CUX1: variants seen among roughly 807,000 people sequenced by gnomAD.
CUX1 encodes cut like homeobox 1.
CUX1 carries 31 observed loss-of-function variants against 158.8 expected under a neutral mutation model. The ratio of observed to expected loss-of-function variants is 0.20; its 90% CI spans 0.15 to 0.26. The LOEUF (loss-of-function observed/expected upper bound fraction) is 0.26, where lower values mean the gene tolerates loss of function less well. Ranked by LOEUF, CUX1 falls within the 10% of genes least tolerant of loss-of-function variation. The probability of loss-of-function intolerance (pLI) is 1.00; values close to 1 mark genes in which losing one functional copy is unlikely to be tolerated. For synonymous variants in CUX1, 879 were observed against 862.1 expected (o/e 1.02, Z -0.34); for missense variants, 1,589 against 2,014.6 (o/e 0.79, Z 4.04).
intron 3 of CUX1, among the ~76,000 whole-genome samples, chr7:102,053,166 TG>T (rs1823733591): frequency 6.6e-6 from 1 of 152,208 alleles, no homozygotes; most frequent in South Asian, 2.1e-4. Context: ...TATCTCATTG[TG>T]GTTTTGATTT....
At chr7:101,878,609 A>G (rs1420993560) in intron 1 of CUX1, among the ~76,000 whole-genome samples, 2 of 151,976 alleles carry the variant, frequency 1.3e-5, no homozygotes, top group African/African-American at 4.8e-5. Context: ...TTTCAATACA[A>G]TGTGATTGTA....
chr7:102,192,681 G>T (rs897050659), intron 12 of CUX1, among the ~76,000 whole-genome samples: 1 of 152,136 alleles, frequency 6.6e-6, no homozygotes, highest in Non-Finnish European at 1.5e-5. Context: ...ACACTAGGGG[G>T]ACAGAGGCCG....
chr7:102,115,584 C>G, intron 8 of CUX1: 1 of 269,292 alleles, frequency 3.7e-6, no homozygotes, highest in Non-Finnish European at 6.9e-6. Flanking sequence ...GGGTAAATCA[C>G]ATGTCTTTTT....
rs142338159 is a variant in CUX1, at chr7:102,024,499, A to G, written c.142-3599A>G. ...GCACCACCACGCCCAGCTTATTTTT[A>G]TATTTTGAGTAGAGATGGGGTTTCG... On this transcript the variant is annotated intron_variant, in intron 2 of 23. Transcript: ENST00000292535. Among the ~76,000 whole-genome samples, 664 of 151,968 alleles carry G rather than the reference A, an allele frequency of 4.4e-3. 6 individuals carry two copies. Among genetic ancestry groups the G allele is most frequent in the African/African-American group, 0.015 (620 of 41,446 alleles).
At chr7:101,932,719 G>A (rs200398080) in intron 2 of CUX1, 10 of 403,004 alleles carry the variant, frequency 2.5e-5, no homozygotes, top group African/African-American at 1.2e-4. Context: ...TATTTCATAC[G>A]TATTTAAATG....
chr7:102,001,511 T>C (rs1311118708), intron 2 of CUX1, among the ~76,000 whole-genome samples: 1 of 152,026 alleles, frequency 6.6e-6, no homozygotes, highest in Non-Finnish European at 1.5e-5. Flanking sequence ...ACCAAGCTAA[T>C]TTTTGTATAT....
At chr7:101,906,644 G>GC in intron 1 of CUX1, among the ~76,000 whole-genome samples, 1 of 152,198 alleles carries the variant, frequency 6.6e-6, no homozygotes, top group African/African-American at 2.4e-5. Flanking sequence ...ATCTTTCTAG[G>GC]CCCCCACTGC....
At chr7:101,844,151 C>T (rs999422814) in intron 1 of CUX1, among the ~76,000 whole-genome samples, 1 of 152,080 alleles carries the variant, frequency 6.6e-6, no homozygotes, top group African/African-American at 2.4e-5. Context: ...TGGGTGGGCA[C>T]TGTTGCTATT....
At chr7:101,976,327 G>A (rs531874487) in intron 2 of CUX1, among the ~76,000 whole-genome samples, 2 of 152,144 alleles carry the variant, frequency 1.3e-5, no homozygotes, top group Admixed American at 1.3e-4. Context: ...GTAGTGTAAG[G>A]GATCTGTTTT....
rs5886208 is a variant in CUX1, at chr7:101,943,964, TAA to T, written c.141+27757_141+27758del. On this transcript the variant is annotated intron_variant, in intron 2 of 23. Coordinates refer to ENST00000292535, the MANE Select transcript of CUX1 (RefSeq NM_181552.4). ...CGAGACCGCGTCTCTATTTAAAAAT[TAA>T]AAAAAAAAAAAAAAAAAGACAACTT... is the stretch of plus-strand genomic sequence containing the variant. Among the ~76,000 whole-genome samples, 783 of 138,196 alleles carry T rather than the reference TAA, an allele frequency of 5.7e-3. 6 individuals are homozygous for T. The highest frequency in any genetic ancestry group is 0.018 in the Middle Eastern group (5 of 274). 90.7% of individuals were successfully genotyped at this position (138,196 alleles called of 152,430 possible).
At chr7:102,188,889 C>A (rs2067700427) in intron 11 of CUX1, 1 of 151,626 alleles carries the variant, frequency 6.6e-6, no homozygotes, top group African/African-American at 2.4e-5. Flanking sequence ...AGTGAGCTCA[C>A]AGACCTTTCT....
chr7:102,166,225 C>G (rs1791017199), intron 9 of CUX1, among the ~76,000 whole-genome samples: 1 of 152,200 alleles, frequency 6.6e-6, no homozygotes, highest in South Asian at 2.1e-4. Context: ...CACTGATATG[C>G]AAGCAGTATC....
At chr7:102,116,183 C>T (rs888730809) in intron 8 of CUX1, among the ~76,000 whole-genome samples, 1 of 152,124 alleles carries the variant, frequency 6.6e-6, no homozygotes, top group Admixed American at 6.6e-5. Context: ...ACTTACTGTC[C>T]CTCTGCCCCA....
In CUX1 at chr7:101,916,399, G is replaced by A; in HGVS notation, c.141+174G>A. The stretch of plus-strand genomic sequence containing the variant: ...TTTCCAGCAGAACGCATGCCATCCT[G>A]CAGGCTGTGGGGATGTGGAAATTGA... On this transcript the variant is annotated intron_variant, in intron 2 of 23. Transcript: ENST00000292535. The surrounding 1 kb of genome is among the most constrained non-coding windows in gnomAD (Gnocchi z 4.4). The A allele has an allele frequency of 3.8e-6, 2 of 528,438 alleles. No individual in the cohort carries two copies. The highest frequency in any genetic ancestry group is 7.0e-6 in the Non-Finnish European group (2 of 285,260). 32.7% of individuals were successfully genotyped at this position (528,438 alleles called of 1,614,324 possible). A position where few individuals can be genotyped will look rare whatever the true frequency, so the allele number is the denominator to read the frequency against.
At chr7:101,861,334 A>G (rs948142988) in intron 1 of CUX1, among the ~76,000 whole-genome samples, 7 of 152,332 alleles carry the variant, frequency 4.6e-5, no homozygotes, top group Non-Finnish European at 1.0e-4. Flanking sequence ...TTGATTCTCT[A>G]AAGAACAGAG....
At chr7:102,151,502 T>TGAGA (rs1475490980) in intron 8 of CUX1, among the ~76,000 whole-genome samples, 3 of 151,908 alleles carry the variant, frequency 2.0e-5, no homozygotes, top group African/African-American at 7.3e-5. Flanking sequence ...TGCAGTGAGC[T>TGAGA]GAGATCATGC....
intron 1 of CUX1, among the ~76,000 whole-genome samples, chr7:101,878,749 T>C: frequency 6.6e-6 from 1 of 151,872 alleles, no homozygotes; most frequent in Non-Finnish European, 1.5e-5. Context: ...CTCGGCTCAC[T>C]GCAACCTCCG....
intron 1 of CUX1, among the ~76,000 whole-genome samples, chr7:101,823,447 G>C (rs1792905862): frequency 6.6e-6 from 1 of 152,158 alleles, no homozygotes; most frequent in Non-Finnish European, 1.5e-5. Flanking sequence ...CCTTTATAAA[G>C]CACACGACCC....
At chr7:101,969,902 C>T (rs888512749) in intron 2 of CUX1, among the ~76,000 whole-genome samples, 2 of 146,902 alleles carry the variant, frequency 1.4e-5, no homozygotes, top group East Asian at 4.0e-4. Context: ...TGCCCCAACG[C>T]GTATCAGGAT....
Sources: gnomAD v4.1 joint callset for allele counts (sites outside exome capture counted in the v4.1 genomes callset) on GRCh38, gnomAD v4.1.1 for gene constraint, Gnocchi (gnomAD v3.1) non-coding constraint, MANE v1.5 for transcripts, NCBI Gene and HGNC (gene_info 2026-07-23, HGNC 2026-07-21) for gene names.